The following ITPR2 variants were observed in gnomAD, a reference collection of about 807,000 sequenced individuals.
ITPR2 encodes inositol 1,4,5-trisphosphate receptor type 2.
ITPR2 carries 207 observed loss-of-function variants against 317.1 expected under a neutral mutation model. The ratio of observed to expected loss-of-function variants is 0.65; its 90% CI spans 0.58 to 0.73. The LOEUF (loss-of-function observed/expected upper bound fraction) is 0.73, where lower values mean the gene tolerates loss of function less well. Ranked by LOEUF, ITPR2 falls within the 30% of genes least tolerant of loss-of-function variation. ITPR2 has a pLI of 0.00. For missense variants in ITPR2, 2,613 were observed against 3,284.0 expected, an observed-to-expected ratio of 0.80 and a Z score of 4.99; for synonymous variants, 1,156 against 1,149.1, an observed-to-expected ratio of 1.01 and a Z score of -0.12.
At chr12:26,509,396 A>C (rs747005822) in intron 37 of ITPR2, among the ~76,000 whole-genome samples, 2 of 152,242 alleles carry the variant, frequency 1.3e-5, no homozygotes, top group African/African-American at 4.8e-5. Flanking sequence ...TAGTATGTGA[A>C]TATCTCAATA....
chr12:26,694,052 T>A (rs1565698012), intron 10 of ITPR2, among the ~76,000 whole-genome samples: 1 of 152,154 alleles, frequency 6.6e-6, no homozygotes, highest in Non-Finnish European at 1.5e-5. Context: ...GCTGAAGAAG[T>A]CACACAGAAT....
At position 26,336,486 on chromosome 12, in the gene ITPR2, ATTT is replaced by A. The variant is rs983225835; in HGVS notation, c.*2908_*2910del. 2.0e-5 allele frequency: 3 copies of A among 152,268 alleles called. No individual in the cohort carries two copies. The East Asian group carries it at 5.8e-4, about 29-fold the overall frequency. The allele number at this position is 152,268 out of a possible 1,614,324, so 9.4% of individuals were successfully genotyped here. A position where few individuals can be genotyped will look rare whatever the true frequency, so the allele number is the denominator to read the frequency against. Reference sequence around the variant, plus strand: ...AGAAAATAAGCTTATTTCTAACTTAATTTTTTAAGGGGTAGAAAATATGATAAA... The same window carrying A: ...AGAAAATAAGCTTATTTCTAACTTAATTTAAGGGGTAGAAAATATGATAAA... On this transcript the variant is annotated 3_prime_UTR_variant, in exon 57 of 57. Transcript: ENST00000381340.
At chr12:26,548,905 T>C (rs569859727) in intron 37 of ITPR2, among the ~76,000 whole-genome samples, 1 of 152,330 alleles carries the variant, frequency 6.6e-6, no homozygotes, top group South Asian at 2.1e-4. Flanking sequence ...AGTAAAAATT[T>C]AACCTGATTT....
At chr12:26,719,529 C>T (rs532421476) in intron 5 of ITPR2, among the ~76,000 whole-genome samples, 2 of 152,296 alleles carry the variant, frequency 1.3e-5, no homozygotes, top group East Asian at 3.9e-4. Flanking sequence ...TGAAGTGGCA[C>T]CTGGTATGGT....
rs536265618 is a variant in ITPR2, at chr12:26,515,119, A to G, written c.5074-19859T>C. On this transcript the variant is annotated intron_variant, in intron 37 of 56. Coordinates refer to ENST00000381340, the MANE Select transcript of ITPR2 (RefSeq NM_002223.4). ...GATCTTACTCAGATTGAACCAGTTT[A>G]CTCCAGTATCAGCAAAATAACAAGA... Among the ~76,000 whole-genome samples the G allele has an allele frequency of 3.7e-4, 56 of 152,354 alleles. No homozygotes were observed. The South Asian group carries it at 4.8e-3, about 13-fold the overall frequency.
chr12:26,651,315 G>C (rs1227268155), intron 21 of ITPR2, among the ~76,000 whole-genome samples: 2 of 151,832 alleles, frequency 1.3e-5, no homozygotes, highest in African/African-American at 4.8e-5. Flanking sequence ...TCTCTTCATT[G>C]TTCTCCTGCC....
At chr12:26,340,390 C>T (rs1352103540) in intron 55 of ITPR2, 62 bp from the exon 56 acceptor site, 3 of 1,448,238 alleles carry the variant, frequency 2.1e-6, no homozygotes, top group African/African-American at 2.9e-5. Context: ...ATGTCTATAG[C>T]TGTTTATTAT....
chr12:26,616,132 A>T (rs564638401), intron 26 of ITPR2, among the ~76,000 whole-genome samples: 54 of 86,736 alleles, frequency 6.2e-4, no homozygotes, highest in Non-Finnish European at 1.1e-3. Context: ...ATTTATTTTT[A>T]TTTTATTTTA....
intron 20 of ITPR2, 23 bp downstream of exon 20, chr12:26,655,685 T>TAAATATTA (rs1443509143): frequency 1.3e-6 from 2 of 1,578,124 alleles, no homozygotes; most frequent in Non-Finnish European, 1.7e-6. Context: ...CAAAACATCC[T>TAAATATTA]AAATATTAGA....
At chr12:26,666,135 G>GAGAC (rs1555173867) in intron 13 of ITPR2, 84 bp from the exon 14 acceptor site, 3 of 411,782 alleles carry the variant, frequency 7.3e-6, no homozygotes, top group Non-Finnish European at 1.2e-5. Flanking sequence ...TAGGTAGGTA[G>GAGAC]AGATAGATAG....
At chr12:26,712,334 T>C (rs1948660402) in intron 8 of ITPR2, among the ~76,000 whole-genome samples, 1 of 152,176 alleles carries the variant, frequency 6.6e-6, no homozygotes, top group Non-Finnish European at 1.5e-5. Flanking sequence ...GAATTCTGTG[T>C]GTTAACATAC....
At chr12:26,673,129 G>C (rs1338194672) in intron 13 of ITPR2, among the ~76,000 whole-genome samples, 1 of 152,178 alleles carries the variant, frequency 6.6e-6, no homozygotes, top group Admixed American at 6.5e-5. Context: ...GGAGGAACTG[G>C]TATCATTCCT....
chr12:26,520,646 T>A (rs1565577540), intron 37 of ITPR2, among the ~76,000 whole-genome samples: 1 of 152,204 alleles, frequency 6.6e-6, no homozygotes, highest in African/African-American at 2.4e-5. Flanking sequence ...GAAATGGCTA[T>A]CTTTGTGACA....
At chr12:26,574,164 G>A (rs952356722) in intron 34 of ITPR2, among the ~76,000 whole-genome samples, 1 of 151,422 alleles carries the variant, frequency 6.6e-6, no homozygotes, top group Admixed American at 6.6e-5. Context: ...ACAGAAATCT[G>A]CCTCTTGCAG....
chr12:26,725,568 A>G, intron 3 of ITPR2, 82 bp downstream of exon 3: 1 of 913,450 alleles, frequency 1.1e-6, no homozygotes, highest in Non-Finnish European at 1.7e-6. Context: ...GTGAAAGGAC[A>G]AAGCTAGAAA....
Position 26,809,491 on chromosome 12 carries a change from A to G in ITPR2, c.93-19264T>C, listed in dbSNP as rs144872002. 8.5e-5 allele frequency among the ~76,000 whole-genome samples: 13 copies of G among 152,284 alleles called. No homozygotes were observed. The East Asian group carries it at 1.2e-3, about 14-fold the overall frequency. ...GGTACCCACTACCTCACTCTTCCCT[A>G]TGAAATATCTCCCTAGGAACAGGCA... On this transcript the variant is annotated intron_variant, in intron 1 of 56. Coordinates refer to ENST00000381340, the MANE Select transcript of ITPR2 (RefSeq NM_002223.4).
intron 1 of ITPR2, among the ~76,000 whole-genome samples, chr12:26,828,941 T>C (rs150551295): frequency 3.6e-4 from 55 of 152,334 alleles, no homozygotes; most frequent in African/African-American, 1.2e-3. Context: ...TTTGTTGAGA[T>C]GGAAGACCTA....
chr12:26,714,099 C>T (rs1480567098), intron 8 of ITPR2, among the ~76,000 whole-genome samples: 1 of 152,128 alleles, frequency 6.6e-6, no homozygotes, highest in Non-Finnish European at 1.5e-5. Context: ...TATTTCATCT[C>T]GATTCTAAAC....
intron 37 of ITPR2, among the ~76,000 whole-genome samples, chr12:26,535,293 G>A (rs182467362): frequency 1.6e-3 from 242 of 152,232 alleles, no homozygotes; most frequent in African/African-American, 5.5e-3. Context: ...TTCCAAAAAA[G>A]CTACATATGG....
Sources: gnomAD v4.1 joint callset for allele counts (sites outside exome capture counted in the v4.1 genomes callset) on GRCh38, gnomAD v4.1.1 for gene constraint, MANE v1.5 for transcripts, NCBI Gene and HGNC (gene_info 2026-07-23, HGNC 2026-07-21) for gene names.